Variants in GRM8 observed in about 807,000 individuals in gnomAD.
The protein encoded by GRM8 is metabotropic glutamate receptor 8.
Under a neutral mutation model 87.2 loss-of-function variants are expected in GRM8, and 47 were observed. That is an observed-to-expected ratio of 0.54 (90% CI 0.43 to 0.69). The LOEUF (loss-of-function observed/expected upper bound fraction) is 0.69. GRM8 is among the 30% of genes least tolerant of loss of function. The probability of loss-of-function intolerance (pLI) is 0.00; values close to 1 mark genes in which losing one functional copy is unlikely to be tolerated. For missense variants in GRM8, 1,019 were observed against 1,139.2 expected (o/e 0.89, Z 1.52); for synonymous variants, 396 against 404.5 (o/e 0.98, Z 0.25).
chr7:126,953,124 CT>C, intron 3 of GRM8, among the ~76,000 whole-genome samples: 1 of 152,062 alleles, frequency 6.6e-6, no homozygotes, highest in East Asian at 1.9e-4. Flanking sequence ...AAGGTATTGC[CT>C]TTACTTCAAC....
intron 2 of GRM8, among the ~76,000 whole-genome samples, chr7:127,154,926 C>T (rs544836822): frequency 5.5e-4 from 84 of 152,088 alleles, no homozygotes; most frequent in Non-Finnish European, 1.0e-3. Context: ...AAAAGACATG[C>T]GGGTTATGGA....
At chr7:127,161,068 T>C (rs1219989738) in intron 2 of GRM8, among the ~76,000 whole-genome samples, 2 of 152,144 alleles carry the variant, frequency 1.3e-5, no homozygotes, top group Non-Finnish European at 2.9e-5. Flanking sequence ...CTGTTCCGAG[T>C]TGCTTAAACA....
chr7:126,501,185 C>T (rs1275676327), intron 9 of GRM8, among the ~76,000 whole-genome samples: 2 of 151,970 alleles, frequency 1.3e-5, no homozygotes, highest in African/African-American at 2.4e-5. Context: ...CTAATACTTC[C>T]ATTCTACAGA....
chr7:126,917,303 T>C (rs989385030), intron 3 of GRM8, among the ~76,000 whole-genome samples: 3 of 151,946 alleles, frequency 2.0e-5, no homozygotes, highest in African/African-American at 7.3e-5. Context: ...CTTGTCAAAA[T>C]ACATTTTGGA....
intron 2 of GRM8, among the ~76,000 whole-genome samples, chr7:127,179,591 T>A (rs529509698): frequency 6.6e-6 from 1 of 152,128 alleles, no homozygotes; most frequent in Non-Finnish European, 1.5e-5. Context: ...ATAGACCATA[T>A]GACAGGCCAT....
At chr7:126,663,608 C>T (rs1406132730) in intron 7 of GRM8, among the ~76,000 whole-genome samples, 2 of 152,148 alleles carry the variant, frequency 1.3e-5, no homozygotes, top group Non-Finnish European at 2.9e-5. Flanking sequence ...ATGATAAAAG[C>T]TTTCAACAAA....
intron 2 of GRM8, among the ~76,000 whole-genome samples, chr7:127,116,733 T>C (rs1480880619): frequency 6.6e-6 from 1 of 152,210 alleles, no homozygotes; most frequent in Non-Finnish European, 1.5e-5. Flanking sequence ...CAGATGTGTA[T>C]ACTACCCAAT....
intron 2 of GRM8, among the ~76,000 whole-genome samples, chr7:127,148,003 A>G (rs1828644334): frequency 6.6e-6 from 1 of 152,074 alleles, no homozygotes; most frequent in Non-Finnish European, 1.5e-5. Context: ...TCATCTGGAA[A>G]CTTGTTGAAG....
At chr7:126,964,925 A>G (rs1809688335) in intron 3 of GRM8, among the ~76,000 whole-genome samples, 1 of 152,212 alleles carries the variant, frequency 6.6e-6, no homozygotes. Flanking sequence ...CCCATCAATG[A>G]TAAACTGGAT....
At chr7:126,884,749 GC>G in intron 6 of GRM8, among the ~76,000 whole-genome samples, 1 of 152,156 alleles carries the variant, frequency 6.6e-6, no homozygotes, top group African/African-American at 2.4e-5. Context: ...ACAAAGATAA[GC>G]AAAAAGATAT....
At chr7:126,856,459 A>G (rs2283079) in intron 6 of GRM8, among the ~76,000 whole-genome samples, 58,664 of 151,996 alleles carry the variant, frequency 0.39, 12,052 homozygotes, top group Non-Finnish European at 0.46. Flanking sequence ...TACCATTTCT[A>G]CATGACTTTC....
chr7:127,054,893 G>T (rs537165486), intron 3 of GRM8, among the ~76,000 whole-genome samples: 1 of 140,350 alleles, frequency 7.1e-6, no homozygotes, highest in East Asian at 2.0e-4. Flanking sequence ...CTCAAGTGCA[G>T]AATGCTAAAA....
intron 3 of GRM8, among the ~76,000 whole-genome samples, chr7:127,047,266 TG>T (rs1416613046): frequency 6.6e-5 from 10 of 152,190 alleles, no homozygotes; most frequent in African/African-American, 1.2e-4. Flanking sequence ...CCTAAAATAT[TG>T]ACCATTTGAC....
intron 7 of GRM8, among the ~76,000 whole-genome samples, chr7:126,667,820 C>T (rs1585440021): frequency 1.3e-5 from 2 of 152,328 alleles, no homozygotes; most frequent in African/African-American, 4.8e-5. Flanking sequence ...TGAATATCCA[C>T]GGTGGTGTCA....
chr7:127,207,086 C>A (rs536149777), intron 2 of GRM8, among the ~76,000 whole-genome samples: 1 of 152,256 alleles, frequency 6.6e-6, no homozygotes, highest in South Asian at 2.1e-4. Context: ...GAGGATGCAG[C>A]CACTTTTTAT....
chr7:127,075,521 G>C (rs549344321), intron 3 of GRM8, among the ~76,000 whole-genome samples: 2 of 152,056 alleles, frequency 1.3e-5, no homozygotes, highest in Admixed American at 6.6e-5. Context: ...GCAGGGGGTC[G>C]GGGGGAGGTA....
rs372733476 is a variant in GRM8 at position 126,775,479 on chromosome 7, G to GTTTTT, written c.1157-5419_1157-5415dup. ...TGAGCGCTATCAAGCTGACAAATAGGTTTTTTTTTTTTTTTTTTTTTTTTT... is the reference window on the plus strand; with the variant it reads ...TGAGCGCTATCAAGCTGACAAATAGGTTTTTTTTTTTTTTTTTTTTTTTTTTTTTT... On this transcript the variant is annotated intron_variant, in intron 6 of 10. Transcript: ENST00000339582. 1.1e-4 allele frequency among the ~76,000 whole-genome samples: 11 copies of GTTTTT among 104,756 alleles called. 2 individuals carry two copies. The highest frequency in any genetic ancestry group is 4.3e-4 in the African/African-American group (10 of 23,056). The allele number at this position is 104,756 out of a possible 152,430, so 68.7% of individuals were successfully genotyped here. A position where few individuals can be genotyped will look rare whatever the true frequency, so the allele number is the denominator to read the frequency against.
intron 6 of GRM8, among the ~76,000 whole-genome samples, chr7:126,854,276 T>C (rs1797480975): frequency 6.6e-6 from 1 of 152,210 alleles, no homozygotes; most frequent in South Asian, 2.1e-4. Context: ...TCATTTAGAT[T>C]ACATCAACCT....
At chr7:127,093,108 G>C (rs1824314183) in intron 3 of GRM8, among the ~76,000 whole-genome samples, 1 of 152,218 alleles carries the variant, frequency 6.6e-6, no homozygotes. Flanking sequence ...TATTATGATA[G>C]ATGTAGGCCA....
Sources: gnomAD v4.1 joint callset for allele counts (sites outside exome capture counted in the v4.1 genomes callset) on GRCh38, gnomAD v4.1.1 for gene constraint, MANE v1.5 for transcripts, NCBI Gene and HGNC (gene_info 2026-07-23, HGNC 2026-07-21) for gene names.